The following JARID2 variants were observed in gnomAD, a reference collection of about 807,000 sequenced individuals.
The protein encoded by JARID2 is jumonji and AT-rich interaction domain containing 2, also known as protein Jumonji.
JARID2 carries 21 observed loss-of-function variants against 125.6 expected under a neutral mutation model. The observed-to-expected ratio is 0.17, with a 90% confidence interval of 0.12 to 0.24. JARID2 has a LOEUF of 0.24. Among genes scored for constraint, JARID2 ranks in the 10% least tolerant of loss-of-function variants. The pLI, the probability that JARID2 is intolerant of heterozygous loss-of-function variation, is 1.00. For synonymous variants in JARID2, 736 were observed against 661.6 expected, an observed-to-expected ratio of 1.11 and a Z score of -1.73; for missense variants, 1,303 against 1,639.6, an observed-to-expected ratio of 0.79 and a Z score of 3.55.
At chr6:15,380,099 A>C (rs1764522077) in intron 2 of JARID2, among the ~76,000 whole-genome samples, 2 of 151,224 alleles carry the variant, frequency 1.3e-5, no homozygotes, top group African/African-American at 4.9e-5. Context: ...GTAATGGCGC[A>C]ATCTCTGCCC....
intron 2 of JARID2, among the ~76,000 whole-genome samples, chr6:15,382,726 C>CA (rs1764636904): frequency 6.6e-6 from 1 of 152,198 alleles, no homozygotes; most frequent in Admixed American, 6.5e-5. Context: ...AGTGAGGCGC[C>CA]ACGCTTCCTA....
chr6:15,257,545 C>G (rs1408388999), intron 1 of JARID2, among the ~76,000 whole-genome samples: 2 of 152,122 alleles, frequency 1.3e-5, no homozygotes, highest in Non-Finnish European at 2.9e-5. Context: ...GGGTTTTTCA[C>G]AGATTTGGGG....
intron 5 of JARID2, among the ~76,000 whole-genome samples, chr6:15,482,674 A>G (rs1199151684): frequency 2.6e-5 from 4 of 152,230 alleles, no homozygotes; most frequent in African/African-American, 9.6e-5. Flanking sequence ...CTTTGGATAA[A>G]TATGTATGTA....
At chr6:15,289,621 A>C (rs952894249) in intron 1 of JARID2, among the ~76,000 whole-genome samples, 1 of 151,702 alleles carries the variant, frequency 6.6e-6, no homozygotes, top group Non-Finnish European at 1.5e-5. Context: ...CTTTGGGAGG[A>C]TGAGGTGGGT....
At position 15,264,763 on chromosome 6, in the gene JARID2, C is replaced by G. The variant is rs547637063; in HGVS notation, c.45+18179C>G. ...CGCTTTTATGTGGTGTACCTATAAC[C>G]TATACACATACTTGTGCCTTTCAAA... On this transcript the variant is annotated intron_variant, in intron 1 of 17. Transcript: ENST00000341776. Among the ~76,000 whole-genome samples, 199 of 152,274 alleles carry G rather than the reference C, an allele frequency of 1.3e-3. 1 individual carries two copies. The highest frequency in any genetic ancestry group is 4.6e-3 in the African/African-American group (192 of 41,566).
chr6:15,263,642 G>A (rs1759971757), intron 1 of JARID2, among the ~76,000 whole-genome samples: 2 of 149,548 alleles, frequency 1.3e-5, no homozygotes, highest in South Asian at 4.2e-4. Flanking sequence ...GCCCAGGCTG[G>A]AGTGCAGTGG....
chr6:15,482,514 A>C (rs887738906), intron 5 of JARID2, among the ~76,000 whole-genome samples: 6 of 152,250 alleles, frequency 3.9e-5, no homozygotes, highest in African/African-American at 1.4e-4. Context: ...GTCCAAAACC[A>C]AAAACTTATT....
At chr6:15,288,384 A>G (rs1352218364) in intron 1 of JARID2, among the ~76,000 whole-genome samples, 2 of 152,280 alleles carry the variant, frequency 1.3e-5, no homozygotes, top group South Asian at 2.1e-4. Context: ...GATTGCTAGG[A>G]CAGCACCAAG....
intron 1 of JARID2, among the ~76,000 whole-genome samples, chr6:15,266,576 T>C (rs1760092050): frequency 6.6e-6 from 1 of 152,234 alleles, no homozygotes; most frequent in Non-Finnish European, 1.5e-5. Context: ...TTCTCCTGGC[T>C]AGGGTGTTTG....
In JARID2 at chr6:15,468,582, C is replaced by T; in HGVS notation, c.534C>T (p.Ser178=). 1 of 1,614,076 alleles carries T rather than the reference C, an allele frequency of 6.2e-7. No homozygotes were observed. Among genetic ancestry groups the T allele is most frequent in the Non-Finnish European group, 8.5e-7 (1 of 1,179,990 alleles). The part of the protein sequence containing the change: ...ALPNSMVYFG[S]SQDEEEVEEE... ...CCAACAGCATGGTGTATTTTGGAAG[C>T]TCTCAGGATGAGGAGGAAGTCGAGG... is the stretch of plus-strand genomic sequence containing the variant. The change falls in exon 5 of 18, where the codon AGC becomes AGT. Residue 178 remains serine (S), a synonymous_variant. Transcript: ENST00000341776.
intron 5 of JARID2, among the ~76,000 whole-genome samples, chr6:15,484,855 TA>T (rs149186446): frequency 0.012 from 1,750 of 151,314 alleles, 36 homozygotes; most frequent in African/African-American, 0.04. Flanking sequence ...TATTGGAGAT[TA>T]AAAAAAAAGC....
At chr6:15,400,294 G>T (rs962476417) in intron 2 of JARID2, among the ~76,000 whole-genome samples, 8 of 152,136 alleles carry the variant, frequency 5.3e-5, no homozygotes, top group Non-Finnish European at 1.5e-5. Flanking sequence ...CAGAGTAAGG[G>T]GGAGGGCGGG....
Position 15,355,617 on chromosome 6 carries a change from CT to C in JARID2, c.46-18488del, listed in dbSNP as rs201247568. ...TGCATTCCTTCCTTCCTTCCTCTTG[CT>C]TTTTTTTTTTTGAGACAGTGTCTCA... is the stretch of plus-strand genomic sequence containing the variant. On this transcript the variant is annotated intron_variant, in intron 1 of 17. Transcript: ENST00000341776. Among the ~76,000 whole-genome samples the C allele has an allele frequency of 2.8e-3, 406 of 143,808 alleles. 3 individuals are homozygous for C. The East Asian group carries it at 0.043, about 15-fold the overall frequency. The allele number at this position is 143,808 out of a possible 152,430, so 94.3% of individuals were successfully genotyped here. A position where few individuals can be genotyped will look rare whatever the true frequency, so the allele number is the denominator to read the frequency against.
At chr6:15,409,361 C>A (rs1765781431) in intron 2 of JARID2, among the ~76,000 whole-genome samples, 1 of 152,198 alleles carries the variant, frequency 6.6e-6, no homozygotes, top group African/African-American at 2.4e-5. Flanking sequence ...GTTCTGGTTG[C>A]CTTCGAGGGT....
chr6:15,518,505 C>T (rs560530903), intron 17 of JARID2, among the ~76,000 whole-genome samples: 6 of 152,294 alleles, frequency 3.9e-5, no homozygotes, highest in South Asian at 4.1e-4. Flanking sequence ...GTTTTTAAGA[C>T]GGAGTCTCGC....
intron 4 of JARID2, among the ~76,000 whole-genome samples, chr6:15,466,800 AT>A (rs1186404357): frequency 2.6e-5 from 4 of 151,984 alleles, no homozygotes; most frequent in African/African-American, 7.3e-5. Context: ...GTGGATAGAT[AT>A]TTTTTTCTCT....
At chr6:15,278,862 C>T (rs1419257116) in intron 1 of JARID2, among the ~76,000 whole-genome samples, 2 of 152,030 alleles carry the variant, frequency 1.3e-5, no homozygotes, top group African/African-American at 2.4e-5. Flanking sequence ...TGAGGTCAGG[C>T]GTTCGAGATT....
chr6:15,410,767 C>T (rs186944151), intron 3 of JARID2, among the ~76,000 whole-genome samples: 4 of 152,300 alleles, frequency 2.6e-5, no homozygotes, highest in Admixed American at 6.5e-5. Context: ...GTTTCTGAGA[C>T]GTTTTTTCCT....
intron 1 of JARID2, among the ~76,000 whole-genome samples, chr6:15,371,430 G>C (rs988839985): frequency 6.6e-6 from 1 of 152,202 alleles, no homozygotes; most frequent in Non-Finnish European, 1.5e-5. Flanking sequence ...ACCTGGTGGT[G>C]ATGAAGAGAA....
Sources: gnomAD v4.1 joint callset for allele counts (sites outside exome capture counted in the v4.1 genomes callset) on GRCh38, gnomAD v4.1.1 for gene constraint, MANE v1.5 for transcripts, NCBI Gene and HGNC (gene_info 2026-07-23, HGNC 2026-07-21) for gene names.